CPEB2: variants seen among roughly 807,000 people sequenced by gnomAD.
CPEB2 encodes the protein cytoplasmic polyadenylation element-binding protein 2.
Under a neutral mutation model 93.6 loss-of-function variants are expected in CPEB2, and 56 were observed. That is an observed-to-expected ratio of 0.60 (90% confidence interval 0.48 to 0.75). The LOEUF (loss-of-function observed/expected upper bound fraction) is 0.75. Ranked by LOEUF, CPEB2 falls within the 30% of genes least tolerant of loss-of-function variation. The pLI is 0.00. For synonymous variants in CPEB2, 764 were observed against 586.3 expected, an observed-to-expected ratio of 1.30 and a Z score of -4.38; for missense variants, 1,579 against 1,395.1, an observed-to-expected ratio of 1.13 and a Z score of -2.10.
At chr4:15,008,111 T>C (rs998648501) in intron 2 of CPEB2, among the ~76,000 whole-genome samples, 2 of 152,176 alleles carry the variant, frequency 1.3e-5, no homozygotes, top group African/African-American at 4.8e-5. Flanking sequence ...GCCTAATACG[T>C]TGATTAGACT....
intron 6 of CPEB2, among the ~76,000 whole-genome samples, chr4:15,045,962 G>A (rs1577440837): frequency 6.6e-6 from 1 of 152,262 alleles, no homozygotes; most frequent in East Asian, 1.9e-4. Context: ...TCTTATTGGT[G>A]AATAACATTT....
chr4:15,010,989 T>G (rs1723394118), intron 3 of CPEB2, among the ~76,000 whole-genome samples: 1 of 152,110 alleles, frequency 6.6e-6, no homozygotes. Flanking sequence ...ATAAGATTTT[T>G]TAAAAATAGA....
chr4:15,046,461 G>A (rs1307563971), intron 6 of CPEB2, among the ~76,000 whole-genome samples: 2 of 152,112 alleles, frequency 1.3e-5, no homozygotes, highest in Non-Finnish European at 2.9e-5. Context: ...CCTCACCTCA[G>A]GTGATCTGCC....
chr4:15,024,989 C>A (rs1341313949), intron 4 of CPEB2, among the ~76,000 whole-genome samples: 3 of 152,024 alleles, frequency 2.0e-5, no homozygotes, highest in African/African-American at 7.2e-5. Flanking sequence ...TTGTGATCTG[C>A]CCGCTTCAGC....
chr4:15,029,048 C>T (rs1333638606), intron 4 of CPEB2, among the ~76,000 whole-genome samples: 1 of 151,922 alleles, frequency 6.6e-6, no homozygotes, highest in East Asian at 1.9e-4. Flanking sequence ...ATGCTCAAGT[C>T]CCTTATGTAA....
intron 4 of CPEB2, among the ~76,000 whole-genome samples, chr4:15,029,418 A>T (rs1172414097): frequency 6.6e-6 from 1 of 152,084 alleles, no homozygotes; most frequent in Non-Finnish European, 1.5e-5. Flanking sequence ...TTATTCACTG[A>T]TACCCAAAAA....
At chr4:15,014,302 G>T (rs1723844796) in intron 3 of CPEB2, among the ~76,000 whole-genome samples, 1 of 152,038 alleles carries the variant, frequency 6.6e-6, no homozygotes, top group African/African-American at 2.4e-5. Context: ...CCTTTGTGAG[G>T]ATTTAGGGTA....
intron 9 of CPEB2, among the ~76,000 whole-genome samples, 176 bp downstream of exon 9, chr4:15,058,715 G>A (rs1275756779): frequency 2.6e-5 from 4 of 152,194 alleles, no homozygotes; most frequent in African/African-American, 9.7e-5. Context: ...ACCAGTACTG[G>A]TGGTCCATGA....
rs114576721 is a variant in CPEB2, at chr4:15,017,561, T to A, written c.2125+283T>A. On this transcript the variant is annotated intron_variant, in intron 4 of 11. Transcript: ENST00000538197. ...GGATGGATCTAAAAGTATACACTAG[T>A]CACTTTTCTAGAATTCTTTCAAGTA... The A allele has an allele frequency of 2.3e-3, 482 of 211,132 alleles. 5 individuals carry two copies. The highest frequency in any genetic ancestry group is 0.011 in the African/African-American group (469 of 43,686). The allele number at this position is 211,132 out of a possible 1,614,324, so 13.1% of individuals were successfully genotyped here.
rs533493900 is a variant in CPEB2 at position 15,023,749 on chromosome 4, C to CT, written c.2125+6482dup. On this transcript the variant is annotated intron_variant, in intron 4 of 11. Coordinates refer to ENST00000538197, the MANE Select transcript of CPEB2 (RefSeq NM_001177382.2). ...GCTCCTTACTGGTAGCCACTATGAG[C>CT]TTTTTTTTTTTGAACTGATTATGTA... 8.1e-3 allele frequency among the ~76,000 whole-genome samples: 1,180 copies of CT among 145,730 alleles called. 21 individuals carry two copies. Among genetic ancestry groups the CT allele is most frequent in the South Asian group, 0.063 (291 of 4,602 alleles).
At chr4:15,019,627 C>G (rs548967580) in intron 4 of CPEB2, among the ~76,000 whole-genome samples, 1 of 152,030 alleles carries the variant, frequency 6.6e-6, no homozygotes, top group East Asian at 1.9e-4. Flanking sequence ...ATGATTTTCC[C>G]CTAGAAAACA....
chr4:15,034,043 A>G (rs181427067), intron 5 of CPEB2, among the ~76,000 whole-genome samples: 69 of 152,334 alleles, frequency 4.5e-4, no homozygotes, highest in African/African-American at 1.5e-3. Context: ...AAGCTAGACT[A>G]TGTGAACTAA....
At chr4:15,025,397 T>G (rs1175917638) in intron 4 of CPEB2, among the ~76,000 whole-genome samples, 1 of 152,076 alleles carries the variant, frequency 6.6e-6, no homozygotes. Context: ...TTTTTTCTCA[T>G]GTTGGGGGCT....
intron 4 of CPEB2, among the ~76,000 whole-genome samples, chr4:15,032,618 T>G (rs1165523355): frequency 6.6e-6 from 1 of 152,106 alleles, no homozygotes; most frequent in Non-Finnish European, 1.5e-5. Context: ...TCAATAATAT[T>G]TGTAATATAA....
intron 10 of CPEB2, among the ~76,000 whole-genome samples, chr4:15,059,662 T>C (rs1353387327): frequency 1.6e-5 from 2 of 124,670 alleles, no homozygotes; most frequent in Admixed American, 8.0e-5. Flanking sequence ...AAAAGAAATA[T>C]GGGATTTTTT....
intron 3 of CPEB2, among the ~76,000 whole-genome samples, chr4:15,009,354 A>G (rs896602048): frequency 2.6e-5 from 4 of 152,248 alleles, no homozygotes; most frequent in African/African-American, 9.6e-5. Context: ...TTGATAATCA[A>G]CCACTAACAA....
At chr4:15,065,051 C>A (rs917841645) in intron 11 of CPEB2, among the ~76,000 whole-genome samples, 1 of 152,070 alleles carries the variant, frequency 6.6e-6, no homozygotes, top group African/African-American at 2.4e-5. Flanking sequence ...TAATCCTAAT[C>A]AATGAAATAT....
intron 4 of CPEB2, among the ~76,000 whole-genome samples, chr4:15,029,870 A>G (rs555151165): frequency 6.6e-6 from 1 of 152,128 alleles, no homozygotes; most frequent in Non-Finnish European, 1.5e-5. Context: ...GAGAAAAGGA[A>G]GGTCTTCCCT....
rs115114614 is a variant in CPEB2, at chr4:15,051,856, C to T, written c.2201-558C>T. Among the ~76,000 whole-genome samples, 303 of 152,336 alleles carry T rather than the reference C, an allele frequency of 2.0e-3. 2 individuals carry two copies. Among genetic ancestry groups the T allele is most frequent in the Middle Eastern group, 0.014 (4 of 294 alleles). Reference sequence around the variant, plus strand: ...AAATGTGGGCTCAAATGGGCACTAACGTGCTAGAGGGGGTACCTTTTCTAT... The same window carrying T: ...AAATGTGGGCTCAAATGGGCACTAATGTGCTAGAGGGGGTACCTTTTCTAT... On this transcript the variant is annotated intron_variant, in intron 6 of 11. Transcript: ENST00000538197.
Sources: allele counts gnomAD v4.1 joint callset (sites outside exome capture counted in the v4.1 genomes callset), GRCh38; gene constraint gnomAD v4.1.1; transcripts MANE v1.5; gene names NCBI Gene and HGNC (gene_info 2026-07-23, HGNC 2026-07-21).